The following PLCB4 variants were observed in gnomAD, a reference collection of about 807,000 sequenced individuals.
PLCB4 encodes phospholipase C beta 4, also known as 1-phosphatidylinositol 4,5-bisphosphate phosphodiesterase beta-4.
PLCB4 carries 77 observed loss-of-function variants against 178.8 expected under a neutral mutation model. That is an observed-to-expected ratio of 0.43 (90% confidence interval 0.36 to 0.52). PLCB4 has a LOEUF of 0.52. Among genes scored for constraint, PLCB4 ranks in the 20% least tolerant of loss-of-function variants. PLCB4 has a pLI of 0.00. For synonymous variants in PLCB4, 496 were observed against 490.8 expected, an observed-to-expected ratio of 1.01 and a Z score of -0.14; for missense variants, 1,024 against 1,453.4, an observed-to-expected ratio of 0.70 and a Z score of 4.80.
At chr20:9,359,550 A>G (rs1191577253) in intron 7 of PLCB4, among the ~76,000 whole-genome samples, 1 of 152,182 alleles carries the variant, frequency 6.6e-6, no homozygotes, top group East Asian at 1.9e-4. Flanking sequence ...AACCGTGCTG[A>G]TCCGAACATC....
chr20:9,374,162 C>T (rs937321367), intron 12 of PLCB4, among the ~76,000 whole-genome samples: 28 of 152,146 alleles, frequency 1.8e-4, no homozygotes, highest in Non-Finnish European at 3.5e-4. Flanking sequence ...AAAGGTCGCA[C>T]TTTAGAAACT....
chr20:9,431,436 A>G (rs1196359122), intron 28 of PLCB4, among the ~76,000 whole-genome samples: 1 of 150,434 alleles, frequency 6.6e-6, no homozygotes, highest in Non-Finnish European at 1.5e-5. Flanking sequence ...TATTCAACCT[A>G]CTCCACCCTC....
At chr20:9,301,747 A>G (rs1000644974) in intron 3 of PLCB4, among the ~76,000 whole-genome samples, 2 of 152,024 alleles carry the variant, frequency 1.3e-5, no homozygotes, top group South Asian at 2.1e-4. Flanking sequence ...AGCTTTTGCC[A>G]CTTGCTCTGG....
intron 2 of PLCB4, among the ~76,000 whole-genome samples, chr20:9,167,604 A>C (rs965998570): frequency 6.6e-6 from 1 of 152,206 alleles, no homozygotes; most frequent in African/African-American, 2.4e-5. Flanking sequence ...CCTTTCTGAA[A>C]TCAGAGAGTA....
intron 38 of PLCB4, among the ~76,000 whole-genome samples, chr20:9,474,075 G>A (rs768259455): frequency 1.8e-4 from 27 of 152,066 alleles, no homozygotes; most frequent in Non-Finnish European, 2.9e-4. Flanking sequence ...AAATTAGCCG[G>A]GCCTGGTGGC....
At chr20:9,347,188 G>T (rs978948645) in intron 7 of PLCB4, among the ~76,000 whole-genome samples, 2 of 152,160 alleles carry the variant, frequency 1.3e-5, no homozygotes, top group African/African-American at 2.4e-5. Context: ...GTGGACTTTA[G>T]CAAGTTGGAG....
At position 9,443,961 on chromosome 20, in the gene PLCB4, A is replaced by G. The variant is rs2042255964; in HGVS notation, c.2765-20A>G. 1 of 1,441,622 alleles carries G rather than the reference A, an allele frequency of 6.9e-7. No homozygotes were observed. Among genetic ancestry groups the G allele is most frequent in the Non-Finnish European group, 9.7e-7 (1 of 1,034,080 alleles). 89.3% of individuals were successfully genotyped at this position (1,441,622 alleles called of 1,614,324 possible). ...TGATTTTTAGTATACATAGTGACTT[A>G]ATTTTTTTTGTTTGTTTAGGTATTG... On this transcript the variant is annotated intron_variant, in intron 30 of 39. Transcript: ENST00000378473.
intron 2 of PLCB4, among the ~76,000 whole-genome samples, chr20:9,180,077 A>G (rs2093220506): frequency 6.6e-6 from 1 of 152,232 alleles, no homozygotes; most frequent in Non-Finnish European, 1.5e-5. Flanking sequence ...CTAGACATAA[A>G]TCAACATATG....
At chr20:9,276,942 G>C (rs745383165) in intron 3 of PLCB4, among the ~76,000 whole-genome samples, 2 of 151,896 alleles carry the variant, frequency 1.3e-5, no homozygotes, top group Non-Finnish European at 2.9e-5. Flanking sequence ...GTCTCTAAAA[G>C]AAAAAGAAAA....
chr20:9,296,943 G>A (rs572092272), intron 3 of PLCB4, among the ~76,000 whole-genome samples: 2 of 152,156 alleles, frequency 1.3e-5, no homozygotes, highest in South Asian at 4.2e-4. Flanking sequence ...CACCAACATG[G>A]CACATGTATA....
intron 4 of PLCB4, among the ~76,000 whole-genome samples, chr20:9,330,815 C>T (rs1358825798): frequency 6.6e-6 from 1 of 152,136 alleles, no homozygotes; most frequent in Non-Finnish European, 1.5e-5. Flanking sequence ...ATCCGTTGGA[C>T]AATGTTGATC....
chr20:9,255,881 A>G (rs554222388), intron 3 of PLCB4, among the ~76,000 whole-genome samples: 3 of 152,076 alleles, frequency 2.0e-5, no homozygotes, highest in Non-Finnish European at 4.4e-5. Context: ...TAGTTTGTCA[A>G]CTGCCTAGAC....
chr20:9,324,496 G>T (rs1026678408), intron 4 of PLCB4, among the ~76,000 whole-genome samples: 1 of 152,134 alleles, frequency 6.6e-6, no homozygotes, highest in Non-Finnish European at 1.5e-5. Flanking sequence ...TGGGGAATGT[G>T]GGGGAAATAA....
intron 4 of PLCB4, among the ~76,000 whole-genome samples, chr20:9,319,955 C>T (rs760243024): frequency 2.8e-4 from 43 of 152,264 alleles, no homozygotes; most frequent in Middle Eastern, 3.4e-3. Context: ...GGACCTTGCA[C>T]TTGACAAATG....
chr20:9,149,538 G>C (rs1240734650), intron 2 of PLCB4, among the ~76,000 whole-genome samples: 1 of 152,158 alleles, frequency 6.6e-6, no homozygotes, highest in African/African-American at 2.4e-5. Context: ...GCAACGTACT[G>C]TGCAGGTGAC....
At chr20:9,169,993 C>T (rs1467719761) in intron 2 of PLCB4, among the ~76,000 whole-genome samples, 8 of 152,050 alleles carry the variant, frequency 5.3e-5, no homozygotes, top group East Asian at 1.9e-4. Context: ...GTTATTCATA[C>T]GAAATTTCTA....
intron 2 of PLCB4, among the ~76,000 whole-genome samples, chr20:9,212,152 C>T (rs1383376301): frequency 6.6e-6 from 1 of 152,270 alleles, no homozygotes; most frequent in East Asian, 1.9e-4. Context: ...TGCTTTGGGG[C>T]CTGCCTTCTT....
At chr20:9,089,544 A>G (rs568584289) in intron 1 of PLCB4, among the ~76,000 whole-genome samples, 1 of 152,260 alleles carries the variant, frequency 6.6e-6, no homozygotes, top group African/African-American at 2.4e-5. Context: ...TTCATGGTAG[A>G]ACTTCCTTTG....
intron 35 of PLCB4, among the ~76,000 whole-genome samples, chr20:9,462,303 G>A (rs2043453729): frequency 6.6e-6 from 1 of 152,162 alleles, no homozygotes; most frequent in African/African-American, 2.4e-5. Context: ...CCGCAAAGAT[G>A]GGGAGAAACC....
Sources: allele counts gnomAD v4.1 joint callset (sites outside exome capture counted in the v4.1 genomes callset), GRCh38; gene constraint gnomAD v4.1.1; transcripts MANE v1.5; gene names NCBI Gene and HGNC (gene_info 2026-07-23, HGNC 2026-07-21).